The following CA10 variants were observed in gnomAD, a reference collection of about 807,000 sequenced individuals.
CA10 encodes the protein carbonic anhydrase-related protein 10.
CA10 carries 14 observed loss-of-function variants against 44.2 expected under a neutral mutation model. The observed-to-expected ratio is 0.32, with a 90% confidence interval of 0.21 to 0.50. CA10 has a LOEUF of 0.50. Among genes scored for constraint, CA10 ranks in the 20% least tolerant of loss-of-function variants. The pLI, the probability that CA10 is intolerant of heterozygous loss-of-function variation, is 0.99. For synonymous variants in CA10, 159 were observed against 141.6 expected (o/e 1.12, Z -0.87); for missense variants, 350 against 409.7 (o/e 0.85, Z 1.26).
chr17:51,790,741 G>A (rs1906488298), intron 3 of CA10, among the ~76,000 whole-genome samples: 1 of 152,172 alleles, frequency 6.6e-6, no homozygotes, highest in African/African-American at 2.4e-5. Context: ...AGATGAGTAG[G>A]TGGATCAATT....
At chr17:52,050,540 T>G (rs1221130639) in intron 2 of CA10, among the ~76,000 whole-genome samples, 1 of 152,062 alleles carries the variant, frequency 6.6e-6, no homozygotes, top group Non-Finnish European at 1.5e-5. Context: ...AATAAAGAAT[T>G]AAACCTCAAT....
chr17:51,872,787 G>C lies in CA10; in HGVS notation c.279+58203C>G, dbSNP rs187610123. 3.2e-4 allele frequency among the ~76,000 whole-genome samples: 48 copies of C among 152,302 alleles called. 1 individual carries two copies. In the East Asian group the frequency reaches 5.4e-3, roughly 17 times the overall value. On this transcript the variant is annotated intron_variant, in intron 3 of 8. Transcript: ENST00000451037. ...ATTTATATCACAGAGACTGGTAAAG[G>C]CTACAAATTAGGACTCTTATTTCCA...
intron 2 of CA10, among the ~76,000 whole-genome samples, chr17:52,005,669 G>T (rs1567916855): frequency 1.3e-5 from 2 of 151,944 alleles, no homozygotes; most frequent in Non-Finnish European, 2.9e-5. Flanking sequence ...AGCTATTGGG[G>T]TTTTGTCTGC....
chr17:51,651,152 C>G (rs976447959), intron 5 of CA10, among the ~76,000 whole-genome samples: 3 of 152,154 alleles, frequency 2.0e-5, no homozygotes, highest in African/African-American at 7.2e-5. Context: ...TGGGGCTTGT[C>G]ATATCCCACT....
chr17:51,918,366 T>C (rs1192116048), intron 3 of CA10, among the ~76,000 whole-genome samples: 1 of 152,176 alleles, frequency 6.6e-6, no homozygotes, highest in East Asian at 1.9e-4. Flanking sequence ...AAATCTCTGC[T>C]CCTTAGATGA....
At chr17:51,998,686 C>T (rs1049008947) in intron 2 of CA10, among the ~76,000 whole-genome samples, 2 of 152,036 alleles carry the variant, frequency 1.3e-5, no homozygotes, top group Non-Finnish European at 2.9e-5. Context: ...TTATGCAACA[C>T]ACCACAGGGA....
chr17:52,087,563 T>C (rs1988150718), intron 1 of CA10, among the ~76,000 whole-genome samples: 1 of 152,218 alleles, frequency 6.6e-6, no homozygotes, highest in South Asian at 2.1e-4. Context: ...GAATAACTTT[T>C]CTTCAACAGC....
intron 1 of CA10, among the ~76,000 whole-genome samples, chr17:52,117,102 C>T (rs1165687535): frequency 1.3e-5 from 2 of 152,122 alleles, no homozygotes; most frequent in African/African-American, 2.4e-5. Flanking sequence ...ATTTAAAAGG[C>T]CTTTATGTTT....
chr17:52,127,167 T>C (rs1172555591), intron 1 of CA10, among the ~76,000 whole-genome samples: 1 of 152,204 alleles, frequency 6.6e-6, no homozygotes, highest in Non-Finnish European at 1.5e-5. Context: ...ATTTTTAGTA[T>C]GTAATCACAA....
At chr17:52,004,708 T>C (rs986850179) in intron 2 of CA10, among the ~76,000 whole-genome samples, 3 of 151,662 alleles carry the variant, frequency 2.0e-5, no homozygotes, top group Non-Finnish European at 4.4e-5. Context: ...ATTTTAATAA[T>C]TAATATGTAC....
chr17:52,144,864 A>T (rs1482933763), intron 1 of CA10, among the ~76,000 whole-genome samples: 2 of 151,946 alleles, frequency 1.3e-5, no homozygotes, highest in African/African-American at 4.8e-5. Flanking sequence ...ACCAGGCTCC[A>T]TTTTTTTTAT....
intron 1 of CA10, among the ~76,000 whole-genome samples, chr17:52,140,668 G>C (rs143797343): frequency 6.6e-6 from 1 of 152,246 alleles, no homozygotes; most frequent in East Asian, 1.9e-4. Context: ...GCTTTGTTAC[G>C]CAGCGTTATG....
At chr17:52,083,548 C>T (rs1243515354) in intron 1 of CA10, among the ~76,000 whole-genome samples, 3 of 152,054 alleles carry the variant, frequency 2.0e-5, no homozygotes, top group Non-Finnish European at 4.4e-5. Flanking sequence ...AAGGAATTTC[C>T]CATCCCTCAT....
chr17:51,642,925 G>A (rs1252641536), intron 6 of CA10, among the ~76,000 whole-genome samples: 1 of 152,158 alleles, frequency 6.6e-6, no homozygotes, highest in Non-Finnish European at 1.5e-5. Context: ...TTATAAGTGT[G>A]AGTCAACACG....
At chr17:52,144,815 A>G (rs886845553) in intron 1 of CA10, among the ~76,000 whole-genome samples, 1 of 152,222 alleles carries the variant, frequency 6.6e-6, no homozygotes, top group African/African-American at 2.4e-5. Context: ...TATCGAAAGC[A>G]AAAGCCACCA....
chr17:52,121,692 AC>A, intron 1 of CA10, among the ~76,000 whole-genome samples: 1 of 152,078 alleles, frequency 6.6e-6, no homozygotes, highest in African/African-American at 2.4e-5. Flanking sequence ...ACACACACAC[AC>A]ACACACACAC....
intron 1 of CA10, among the ~76,000 whole-genome samples, chr17:52,152,903 C>T (rs1432673947): frequency 6.6e-6 from 1 of 151,932 alleles, no homozygotes; most frequent in African/African-American, 2.4e-5. Flanking sequence ...AGAAAACTGC[C>T]CAAATTTATA....
At chr17:52,009,566 G>T (rs1985714656) in intron 2 of CA10, among the ~76,000 whole-genome samples, 1 of 151,868 alleles carries the variant, frequency 6.6e-6, no homozygotes. Flanking sequence ...TTTGTAGCAA[G>T]GCTACATAAA....
chr17:51,999,873 A>G (rs1262173562), intron 2 of CA10, among the ~76,000 whole-genome samples: 1 of 152,010 alleles, frequency 6.6e-6, no homozygotes, highest in Non-Finnish European at 1.5e-5. Context: ...CAATTGCGTA[A>G]CATCCAATCC....
Sources: allele counts gnomAD v4.1 joint callset (sites outside exome capture counted in the v4.1 genomes callset), GRCh38; gene constraint gnomAD v4.1.1; transcripts MANE v1.5; gene names NCBI Gene and HGNC (gene_info 2026-07-23, HGNC 2026-07-21).